The following RARB variants were observed in gnomAD, a reference collection of about 807,000 sequenced individuals.
The protein encoded by RARB is HBV-activated protein.
A neutral mutation model predicts 51.9 loss-of-function variants in RARB; 17 were observed. That is an observed-to-expected ratio of 0.33 (90% CI 0.22 to 0.49). The LOEUF is 0.49. RARB is among the 20% of genes least tolerant of loss of function. RARB has a pLI of 0.99. For missense variants in RARB, 369 were observed against 550.8 expected, an observed-to-expected ratio of 0.67 and a Z score of 3.30; for synonymous variants, 215 against 195.4, an observed-to-expected ratio of 1.10 and a Z score of -0.84.
chr3:25,114,197 C>A (rs904260214), intron 3 of RARB, among the ~76,000 whole-genome samples: 2 of 152,152 alleles, frequency 1.3e-5, no homozygotes, highest in Non-Finnish European at 2.9e-5. Context: ...ACCCACCCAA[C>A]TCTGGGTAGC....
intron 4 of RARB, among the ~76,000 whole-genome samples, chr3:25,159,414 C>T (rs1428443534): frequency 8.5e-6 from 1 of 117,278 alleles, no homozygotes; most frequent in Non-Finnish European, 1.9e-5. Context: ...GATGATCCAC[C>T]CCCCCCGCTC....
intron 1 of RARB, among the ~76,000 whole-genome samples, chr3:25,436,286 C>T (rs1708433706): frequency 6.6e-6 from 1 of 152,134 alleles, no homozygotes; most frequent in East Asian, 1.9e-4. Context: ...TCACATGATT[C>T]ATCCGTTTTG....
intron 4 of RARB, among the ~76,000 whole-genome samples, chr3:25,162,402 C>G (rs1309901885): frequency 1.3e-5 from 2 of 152,168 alleles, no homozygotes; most frequent in Non-Finnish European, 2.9e-5. Context: ...AACCACACGC[C>G]CAGCCATTCT....
At chr3:24,883,130 A>T (rs934742131) in intron 2 of RARB, among the ~76,000 whole-genome samples, 53 of 152,234 alleles carry the variant, frequency 3.5e-4, no homozygotes, top group African/African-American at 1.3e-3. Context: ...CAGACTTGAA[A>T]CAACAAAAAA....
chr3:25,089,856 A>G (rs1699166220), intron 3 of RARB, among the ~76,000 whole-genome samples: 2 of 152,238 alleles, frequency 1.3e-5, no homozygotes, highest in African/African-American at 4.8e-5. Flanking sequence ...GTTAAATCTG[A>G]ATCCTTTGAA....
intron 5 of RARB, among the ~76,000 whole-genome samples, chr3:25,262,639 G>C (rs1021336378): frequency 6.6e-6 from 1 of 152,104 alleles, no homozygotes; most frequent in African/African-American, 2.4e-5. Flanking sequence ...ATATCAATCT[G>C]ATCTATTGTT....
chr3:25,351,493 G>A (rs1705569255), intron 5 of RARB, among the ~76,000 whole-genome samples: 1 of 151,994 alleles, frequency 6.6e-6, no homozygotes, highest in African/African-American at 2.4e-5. Context: ...TGTCACTTGT[G>A]GGACCTCGCC....
chr3:25,319,961 G>A (rs17016182), intron 5 of RARB, among the ~76,000 whole-genome samples: 5,964 of 151,828 alleles, frequency 0.039, 160 homozygotes, highest in Middle Eastern at 0.062. Flanking sequence ...AAAGCTTGCC[G>A]TAAATCAGTC....
chr3:25,442,469 AG>A (rs1300511948), intron 1 of RARB, among the ~76,000 whole-genome samples: 1 of 152,170 alleles, frequency 6.6e-6, no homozygotes, highest in African/African-American at 2.4e-5. Context: ...AACTTTCAAT[AG>A]CCACACATGG....
intron 3 of RARB, among the ~76,000 whole-genome samples, chr3:25,125,542 T>A (rs1265541759): frequency 3.3e-5 from 5 of 152,174 alleles, no homozygotes; most frequent in Non-Finnish European, 1.5e-5. Context: ...GAAATGTTTC[T>A]CTGAGGAGGA....
intron 1 of RARB, among the ~76,000 whole-genome samples, chr3:25,449,178 G>C (rs1709082106): frequency 6.6e-6 from 1 of 152,032 alleles, no homozygotes; most frequent in South Asian, 2.1e-4. Context: ...GACTGCTCCT[G>C]ACAGTGTTCA....
intron 3 of RARB, chr3:25,555,707 G>A (rs1700028685): frequency 6.6e-6 from 1 of 152,150 alleles, no homozygotes; most frequent in African/African-American, 2.4e-5. Context: ...CCCAAACACT[G>A]TCTTACTGGT....
In RARB at chr3:25,210,273, A is replaced by G. The variant is rs543918411; in HGVS notation, c.178+35698A>G. ...TCATATCATTTCTCCTTCCTGTCCC[A>G]ATACACCCTGTGCAGCACAGTGCTA... On this transcript the variant is annotated intron_variant, in intron 5 of 11. Coordinates refer to the RARB transcript ENST00000383772. Among the ~76,000 whole-genome samples the G allele has an allele frequency of 1.1e-4, 16 of 152,240 alleles. 1 individual carries two copies. The South Asian group carries it at 3.3e-3, about 32-fold the overall frequency.
chr3:25,419,735 C>A (rs1707806977), intron 5 of RARB, among the ~76,000 whole-genome samples: 2 of 152,164 alleles, frequency 1.3e-5, no homozygotes, highest in Admixed American at 1.3e-4. Flanking sequence ...TGCAGCAGAT[C>A]CTACATTTTA....
chr3:25,050,943 C>A (rs373982675), intron 2 of RARB, among the ~76,000 whole-genome samples: 53 of 152,158 alleles, frequency 3.5e-4, no homozygotes, highest in African/African-American at 1.2e-3. Flanking sequence ...CTTTCTGGTG[C>A]ACCAAGTCTC....
At chr3:24,921,630 C>G (rs964049526) in intron 2 of RARB, among the ~76,000 whole-genome samples, 1 of 152,046 alleles carries the variant, frequency 6.6e-6, no homozygotes, top group Non-Finnish European at 1.5e-5. Context: ...GAGGAGGTCC[C>G]CCCCATCTCC....
intron 2 of RARB, among the ~76,000 whole-genome samples, chr3:24,973,605 CT>C (rs1436943523): frequency 1.3e-5 from 2 of 151,964 alleles, no homozygotes; most frequent in East Asian, 3.9e-4. Context: ...TATCTTTCCA[CT>C]TTTTTGCATG....
chr3:25,491,166 A>T (rs1286650), intron 2 of RARB, among the ~76,000 whole-genome samples: 86,434 of 151,944 alleles, frequency 0.57, 27,956 homozygotes, highest in African/African-American at 0.9. Context: ...AATGAACTTT[A>T]AGATATCCTC....
chr3:25,585,325 C>T (rs1451875948), intron 5 of RARB, among the ~76,000 whole-genome samples: 2 of 152,092 alleles, frequency 1.3e-5, no homozygotes, highest in Non-Finnish European at 2.9e-5. Context: ...GCAGCTGAGG[C>T]CCAAGGGGAA....
Sources: allele counts gnomAD v4.1 joint callset (sites outside exome capture counted in the v4.1 genomes callset), GRCh38; gene constraint gnomAD v4.1.1; transcripts MANE v1.5; gene names NCBI Gene and HGNC (gene_info 2026-07-23, HGNC 2026-07-21).